Variants in SOX5 observed in about 807,000 individuals in gnomAD.
SOX5 encodes transcription factor SOX-5.
In SOX5, 9 loss-of-function variants were observed where a neutral mutation model predicts 92.0. That is an observed-to-expected ratio of 0.10 (90% CI 0.06 to 0.17). The LOEUF (loss-of-function observed/expected upper bound fraction) is 0.17, where lower values mean the gene tolerates loss of function less well. Ranked by LOEUF, SOX5 falls within the 10% of genes least tolerant of loss-of-function variation. The pLI is 1.00. For synonymous variants in SOX5, 344 were observed against 336.3 expected (o/e 1.02, Z -0.25); for missense variants, 642 against 944.5 (o/e 0.68, Z 4.20).
At position 23,709,300 on chromosome 12, in the gene SOX5, T is replaced by C. The variant is rs113313445; in HGVS notation, c.810+25384A>G. Among the ~76,000 whole-genome samples the C allele has an allele frequency of 3.4e-3, 524 of 152,070 alleles. 1 individual carries two copies. Among genetic ancestry groups the C allele is most frequent in the Middle Eastern group, 6.8e-3 (2 of 294 alleles). On this transcript the variant is annotated intron_variant, in intron 6 of 14. Transcript: ENST00000451604. ...TAATTTTTTTGTGGAGATGGGGATC[T>C]CCCTGTGCTGCCCAGACTGGTCTCA...
intron 3 of SOX5, among the ~76,000 whole-genome samples, chr12:23,773,800 A>C (rs1271817824): frequency 6.6e-6 from 1 of 152,222 alleles, no homozygotes; most frequent in African/African-American, 2.4e-5. Context: ...ATAAAACCTA[A>C]AATGCAATGC....
intron 4 of SOX5, among the ~76,000 whole-genome samples, chr12:24,048,311 C>A (rs1241844693): frequency 6.6e-6 from 1 of 152,058 alleles, no homozygotes; most frequent in Non-Finnish European, 1.5e-5. Flanking sequence ...AAAACTCATG[C>A]CTATTTACTA....
chr12:24,102,759 G>A (rs765557785), intron 4 of SOX5, among the ~76,000 whole-genome samples: 1 of 152,202 alleles, frequency 6.6e-6, no homozygotes, highest in Non-Finnish European at 1.5e-5. Flanking sequence ...CAGTTTCACT[G>A]ATGAGTAAGA....
chr12:24,444,007 C>T lies in SOX5; in HGVS notation c.-250-75368G>A, dbSNP rs898329696. 2.6e-5 allele frequency among the ~76,000 whole-genome samples: 4 copies of T among 152,246 alleles called. No homozygotes were observed. The South Asian group carries it at 8.3e-4, about 32-fold the overall frequency. On this transcript the variant is annotated intron_variant, in intron 1 of 4. Coordinates refer to the SOX5 transcript ENST00000446891. The stretch of plus-strand genomic sequence containing the variant: ...TGGTCTTTAAACTAGCGTTTACCTA[C>T]CCAAGAGGTGAGATGTGGGGATGTG...
chr12:24,092,357 G>GTTTTTC (rs1191528596), intron 4 of SOX5, among the ~76,000 whole-genome samples: 1 of 151,936 alleles, frequency 6.6e-6, no homozygotes, highest in Non-Finnish European at 1.5e-5. Flanking sequence ...CCCACAAACG[G>GTTTTTC]AGACTCTCCT....
intron 9 of SOX5, among the ~76,000 whole-genome samples, chr12:23,579,162 A>T (rs1333345820): frequency 6.6e-6 from 1 of 152,206 alleles, no homozygotes; most frequent in Non-Finnish European, 1.5e-5. Context: ...TTACATGCCC[A>T]TGCTGAAAGA....
intron 2 of SOX5, among the ~76,000 whole-genome samples, chr12:24,348,070 A>C (rs926181118): frequency 4.2e-5 from 6 of 144,574 alleles, no homozygotes; most frequent in Admixed American, 1.4e-4. Context: ...AAAAAAAAAA[A>C]CAGAAATTCA....
intron 4 of SOX5, among the ~76,000 whole-genome samples, chr12:24,202,735 T>C (rs35295680): frequency 0.11 from 16,954 of 152,196 alleles, 1,559 homozygotes; most frequent in East Asian, 0.48. Context: ...AAATTCATGT[T>C]ATGCACTTTT....
intron 4 of SOX5, among the ~76,000 whole-genome samples, chr12:24,034,339 G>A (rs1421104799): frequency 2.0e-5 from 3 of 151,958 alleles, no homozygotes; most frequent in Non-Finnish European, 4.4e-5. Flanking sequence ...CTCTCTGGAT[G>A]CCTCGCCCCT....
chr12:24,405,456 T>G (rs1962717751), intron 1 of SOX5, among the ~76,000 whole-genome samples: 1 of 152,052 alleles, frequency 6.6e-6, no homozygotes, highest in African/African-American at 2.4e-5. Context: ...ATTGTGAGGT[T>G]CGAAAGCCTA....
chr12:24,279,181 T>G (rs1295397095), intron 2 of SOX5, among the ~76,000 whole-genome samples: 1 of 152,144 alleles, frequency 6.6e-6, no homozygotes, highest in Non-Finnish European at 1.5e-5. Flanking sequence ...ATATTTTTCT[T>G]CAATGATAAC....
intron 3 of SOX5, among the ~76,000 whole-genome samples, chr12:23,758,987 G>T (rs1567533575): frequency 6.7e-6 from 1 of 148,714 alleles, no homozygotes; most frequent in Non-Finnish European, 1.5e-5. Context: ...TTCAGTCTGT[G>T]TTATTCTGTT....
chr12:24,426,222 CA>C (rs927642577), intron 1 of SOX5, among the ~76,000 whole-genome samples: 7 of 136,402 alleles, frequency 5.1e-5, no homozygotes, highest in African/African-American at 1.7e-4. Context: ...AACAAACAAA[CA>C]AAAAAAACAC....
intron 1 of SOX5, among the ~76,000 whole-genome samples, chr12:24,506,808 G>GTTTTTT (rs1948813698): frequency 4.7e-5 from 1 of 21,132 alleles, no homozygotes; most frequent in Admixed American, 9.1e-4. Context: ...TTTTTTTTTG[G>GTTTTTT]AGACGGGAGT....
At chr12:23,547,843 T>C (rs1943428850) in intron 11 of SOX5, among the ~76,000 whole-genome samples, 1 of 152,124 alleles carries the variant, frequency 6.6e-6, no homozygotes, top group African/African-American at 2.4e-5. Flanking sequence ...TGACTCGATT[T>C]GTTTTGTGTG....
intron 1 of SOX5, among the ~76,000 whole-genome samples, chr12:23,910,529 T>C (rs1373034777): frequency 6.6e-6 from 1 of 152,150 alleles, no homozygotes; most frequent in Non-Finnish European, 1.5e-5. Context: ...CCCCCAAAGA[T>C]AGCTACCATA....
chr12:23,585,132 C>T (rs1229261378), intron 9 of SOX5, among the ~76,000 whole-genome samples: 2 of 152,134 alleles, frequency 1.3e-5, no homozygotes, highest in African/African-American at 4.8e-5. Context: ...GTACAATGCA[C>T]ATACACATCG....
chr12:24,150,901 T>C (rs773806255), intron 4 of SOX5, among the ~76,000 whole-genome samples: 1 of 152,012 alleles, frequency 6.6e-6, no homozygotes, highest in Non-Finnish European at 1.5e-5. Flanking sequence ...AAAGTTTTCA[T>C]TGATCAATGA....
chr12:24,247,264 CTA>C (rs771900225), intron 3 of SOX5, among the ~76,000 whole-genome samples: 3 of 151,312 alleles, frequency 2.0e-5, no homozygotes, highest in Non-Finnish European at 2.9e-5. Context: ...AAAAAAATGA[CTA>C]TGTGATTCTA....
Sources: allele counts gnomAD v4.1 joint callset (sites outside exome capture counted in the v4.1 genomes callset), GRCh38; gene constraint gnomAD v4.1.1; transcripts MANE v1.5; gene names NCBI Gene and HGNC (gene_info 2026-07-23, HGNC 2026-07-21).